The following EPHB1 variants were observed in gnomAD, a reference collection of about 807,000 sequenced individuals.
EPHB1 encodes the protein ephrin type-B receptor 1.
Under a neutral mutation model 94.4 loss-of-function variants are expected in EPHB1, and 30 were observed. The ratio of observed to expected loss-of-function variants is 0.32; its 90% CI spans 0.24 to 0.43. The LOEUF (loss-of-function observed/expected upper bound fraction) is 0.43. Ranked by LOEUF, EPHB1 falls within the 20% of genes least tolerant of loss-of-function variation. The pLI is 1.00. For missense variants in EPHB1, 1,055 were observed against 1,308.3 expected (o/e 0.81, Z 2.99); for synonymous variants, 522 against 489.1 (o/e 1.07, Z -0.89).
intron 3 of EPHB1, among the ~76,000 whole-genome samples, chr3:135,009,304 C>A (rs776330746): frequency 6.6e-6 from 1 of 152,120 alleles, no homozygotes; most frequent in Admixed American, 6.5e-5. Flanking sequence ...TTTTTACTAA[C>A]GTTCCCTGGG....
chr3:135,257,972 T>C (rs1026874743), intron 15 of EPHB1, among the ~76,000 whole-genome samples: 4 of 152,098 alleles, frequency 2.6e-5, no homozygotes, highest in African/African-American at 9.7e-5. Flanking sequence ...AGTGACCCGA[T>C]TTTCCAGGTG....
rs1413617770 is a variant in EPHB1, at chr3:135,260,153, ACATCT to A, written c.*1036_*1040del. Reference sequence around the variant, plus strand: ...ACTGACTGATTAATTATTCCTGATAACATCTCAAGAAAAGGAGAAGGAAAGTGTTT... The same window carrying A: ...ACTGACTGATTAATTATTCCTGATAACAAGAAAAGGAGAAGGAAAGTGTTT... On this transcript the variant is annotated 3_prime_UTR_variant, in exon 16 of 16. Transcript: ENST00000398015. 1 of 233,094 alleles carries A rather than the reference ACATCT, an allele frequency of 4.3e-6. No individual in the cohort carries two copies. Among genetic ancestry groups the A allele is most frequent in the African/African-American group, 2.2e-5 (1 of 45,338 alleles). The allele number at this position is 233,094 out of a possible 1,614,324, so 14.4% of individuals were successfully genotyped here.
At chr3:134,874,382 G>T (rs2037572535) in intron 1 of EPHB1, among the ~76,000 whole-genome samples, 1 of 151,932 alleles carries the variant, frequency 6.6e-6, no homozygotes, top group African/African-American at 2.4e-5. Flanking sequence ...GAGGGTGAGG[G>T]GAGAGAACTT....
intron 2 of EPHB1, among the ~76,000 whole-genome samples, chr3:134,926,546 G>A (rs1359727926): frequency 1.3e-5 from 2 of 152,212 alleles, no homozygotes; most frequent in Non-Finnish European, 2.9e-5. Flanking sequence ...GACGTTCTAA[G>A]TAGGAGGAAT....
intron 2 of EPHB1, among the ~76,000 whole-genome samples, chr3:134,932,745 T>C (rs1222031448): frequency 6.6e-6 from 1 of 152,256 alleles, no homozygotes; most frequent in African/African-American, 2.4e-5. Context: ...TTTCTCCCTT[T>C]AATGATTCAA....
At chr3:135,256,795 A>G (rs1199192533) in intron 15 of EPHB1, among the ~76,000 whole-genome samples, 1 of 151,918 alleles carries the variant, frequency 6.6e-6, no homozygotes, top group Non-Finnish European at 1.5e-5. Context: ...TCTCCTGGAT[A>G]ATATCCTGCA....
intron 1 of EPHB1, among the ~76,000 whole-genome samples, chr3:134,811,352 C>A (rs1165090717): frequency 2.0e-5 from 3 of 149,712 alleles, no homozygotes; most frequent in African/African-American, 7.4e-5. Context: ...AATCCTCCGG[C>A]TTCAGCCTCC....
chr3:135,232,540 T>C (rs1357317728), intron 12 of EPHB1, among the ~76,000 whole-genome samples: 1 of 152,206 alleles, frequency 6.6e-6, no homozygotes, highest in Non-Finnish European at 1.5e-5. Flanking sequence ...CAATGTAAAC[T>C]TTATCTCAAT....
intron 3 of EPHB1, among the ~76,000 whole-genome samples, chr3:134,975,603 G>T (rs1040570592): frequency 6.6e-5 from 10 of 152,112 alleles, no homozygotes; most frequent in African/African-American, 2.4e-4. Context: ...TGTACTGAGG[G>T]CTTTGCTTAC....
In EPHB1 at chr3:134,988,864, G is replaced by A. The variant is rs570892238; in HGVS notation, c.805+36812G>A. Among the ~76,000 whole-genome samples the A allele has an allele frequency of 3.1e-4, 47 of 152,322 alleles. 1 individual carries two copies. Among genetic ancestry groups the A allele is most frequent in the African/African-American group, 1.0e-3 (43 of 41,576 alleles). On this transcript the variant is annotated intron_variant, in intron 3 of 15. Coordinates refer to ENST00000398015, the MANE Select transcript of EPHB1 (RefSeq NM_004441.5). Reference sequence around the variant, plus strand: ...TTAGAAATAGAGAAACTGGTGGGTGGTAGGAGAAAAGAGTAGAAGGCAGAA... The same window carrying A: ...TTAGAAATAGAGAAACTGGTGGGTGATAGGAGAAAAGAGTAGAAGGCAGAA...
intron 1 of EPHB1, among the ~76,000 whole-genome samples, chr3:134,882,791 T>TTTCTTTCTTTC (rs2037776946): frequency 1.4e-5 from 1 of 71,452 alleles, no homozygotes; most frequent in African/African-American, 4.6e-5. Context: ...TCTTTCTTTC[T>TTTCTTTCTTTC]TTCTTTCTTT....
intron 1 of EPHB1, among the ~76,000 whole-genome samples, chr3:134,817,302 G>C (rs1485480136): frequency 6.6e-6 from 1 of 152,202 alleles, no homozygotes; most frequent in Non-Finnish European, 1.5e-5. Context: ...GTAGAACAAT[G>C]TCAGTATTGC....
chr3:135,038,435 A>C (rs950336226), intron 3 of EPHB1, among the ~76,000 whole-genome samples: 10 of 152,168 alleles, frequency 6.6e-5, no homozygotes, highest in Admixed American at 2.0e-4. Flanking sequence ...AGGGGAGTAC[A>C]TAGAGAATCC....
chr3:135,054,298 T>C (rs1192456622), intron 3 of EPHB1, among the ~76,000 whole-genome samples: 1 of 152,146 alleles, frequency 6.6e-6, no homozygotes, highest in East Asian at 1.9e-4. Flanking sequence ...AACTCTTCCC[T>C]GGGTCTTCAG....
chr3:134,995,591 C>CA (rs1438230750), intron 3 of EPHB1, among the ~76,000 whole-genome samples: 1 of 152,028 alleles, frequency 6.6e-6, no homozygotes, highest in African/African-American at 2.4e-5. Flanking sequence ...ATTAAGACCA[C>CA]AATGATATAT....
At chr3:134,993,668 A>T (rs889714717) in intron 3 of EPHB1, among the ~76,000 whole-genome samples, 2 of 152,206 alleles carry the variant, frequency 1.3e-5, no homozygotes, top group Non-Finnish European at 2.9e-5. Flanking sequence ...TCCCCAGTTC[A>T]TTCTGTCACT....
intron 2 of EPHB1, among the ~76,000 whole-genome samples, chr3:134,947,163 C>T (rs2039230762): frequency 6.6e-6 from 1 of 152,080 alleles, no homozygotes; most frequent in Non-Finnish European, 1.5e-5. Context: ...ACCTAACATT[C>T]AGTAGACATT....
intron 2 of EPHB1, among the ~76,000 whole-genome samples, chr3:134,935,553 T>C (rs1229117614): frequency 6.6e-6 from 1 of 152,248 alleles, no homozygotes; most frequent in Non-Finnish European, 1.5e-5. Flanking sequence ...ATATGCTGCC[T>C]TTATAACATA....
At chr3:135,150,655 T>C (rs959826357) in intron 5 of EPHB1, among the ~76,000 whole-genome samples, 1 of 152,214 alleles carries the variant, frequency 6.6e-6, no homozygotes, top group African/African-American at 2.4e-5. Flanking sequence ...TCTGCTTCAT[T>C]GGTGGCTTTT....
Sources: gnomAD v4.1 joint callset for allele counts (sites outside exome capture counted in the v4.1 genomes callset) on GRCh38, gnomAD v4.1.1 for gene constraint, MANE v1.5 for transcripts, NCBI Gene and HGNC (gene_info 2026-07-23, HGNC 2026-07-21) for gene names.